The following SHISA9 variants were observed in gnomAD, a reference collection of about 807,000 sequenced individuals.
The protein encoded by SHISA9 is protein shisa-9.
In SHISA9, 13 loss-of-function variants were observed where a neutral mutation model predicts 38.0. The observed-to-expected ratio is 0.34, with a 90% CI of 0.22 to 0.54. The LOEUF (loss-of-function observed/expected upper bound fraction) is 0.54. Ranked by LOEUF, SHISA9 falls within the 20% of genes least tolerant of loss-of-function variation. The pLI is 0.91. For missense variants in SHISA9, 538 were observed against 575.8 expected (o/e 0.93, Z 0.67); for synonymous variants, 275 against 242.0 (o/e 1.14, Z -1.27).
At chr16:13,292,807 A>C in the SHISA9 span, among the ~76,000 whole-genome samples, 1 of 152,188 alleles carries the variant, frequency 6.6e-6, no homozygotes, top group Non-Finnish European at 1.5e-5. Flanking sequence ...TTTTGAAAAA[A>C]AATTTGTCAA....
chr16:13,083,831 A>G (rs1487224547), intron 2 of SHISA9, among the ~76,000 whole-genome samples: 1 of 152,136 alleles, frequency 6.6e-6, no homozygotes, highest in Non-Finnish European at 1.5e-5. Flanking sequence ...ATCATCATTC[A>G]CAGCCTCTGG....
the SHISA9 span, among the ~76,000 whole-genome samples, chr16:13,276,266 AG>A: frequency 0.071 from 10,696 of 151,710 alleles, 1,288 homozygotes; most frequent in African/African-American, 0.25. Context: ...ATTGCTGCAT[AG>A]TATTCCATCA....
intron 2 of SHISA9, among the ~76,000 whole-genome samples, chr16:13,134,203 C>T (rs982806381): frequency 1.3e-5 from 2 of 152,152 alleles, no homozygotes; most frequent in Non-Finnish European, 2.9e-5. Context: ...CTTAACCTGT[C>T]TGGGTCTCAG....
At chr16:12,955,413 C>T (rs1216398550) in intron 2 of SHISA9, among the ~76,000 whole-genome samples, 1 of 152,096 alleles carries the variant, frequency 6.6e-6, no homozygotes, top group Non-Finnish European at 1.5e-5. Context: ...GTGTTTCCCA[C>T]TGGGGTAGAG....
chr16:12,985,265 A>G (rs2072293361), intron 2 of SHISA9, among the ~76,000 whole-genome samples: 1 of 152,000 alleles, frequency 6.6e-6, no homozygotes, highest in Non-Finnish European at 1.5e-5. Context: ...AAATAAATAA[A>G]TAAATAAATG....
chr16:12,970,370 C>CAT (rs1254256597), intron 2 of SHISA9, among the ~76,000 whole-genome samples: 51 of 55,704 alleles, frequency 9.2e-4, no homozygotes, highest in Admixed American at 1.5e-3. Flanking sequence ...TATATATATA[C>CAT]ATATATATAT....
chr16:13,435,303 G>T, the SHISA9 span, among the ~76,000 whole-genome samples: 1 of 152,012 alleles, frequency 6.6e-6, no homozygotes, highest in East Asian at 1.9e-4. Context: ...CTTCAAAGAG[G>T]TTCAGCAAGA....
At chr16:13,508,919 C>T in the SHISA9 span, among the ~76,000 whole-genome samples, 3 of 152,250 alleles carry the variant, frequency 2.0e-5, no homozygotes, top group African/African-American at 7.2e-5. Flanking sequence ...AAAATGATTG[C>T]TACCTGTAGA....
At chr16:13,009,680 A>G (rs1025384658) in intron 2 of SHISA9, among the ~76,000 whole-genome samples, 1 of 152,198 alleles carries the variant, frequency 6.6e-6, no homozygotes, top group East Asian at 1.9e-4. Context: ...TTCAAAAATC[A>G]CAGAATCCCA....
At chr16:13,216,201 AAAAAAG>A (rs1324992680) in intron 4 of SHISA9, among the ~76,000 whole-genome samples, 21 of 142,944 alleles carry the variant, frequency 1.5e-4, no homozygotes, top group African/African-American at 4.0e-4. Context: ...AAAAAAAAAA[AAAAAAG>A]AGAGAGACAA....
intron 2 of SHISA9, among the ~76,000 whole-genome samples, chr16:13,015,926 CTTCCTT>C (rs2141858143): frequency 1.5e-5 from 1 of 64,782 alleles, no homozygotes; most frequent in South Asian, 4.7e-4. Context: ...TTTCTCCTTC[CTTCCTT>C]CTTTCCTTCC....
the SHISA9 span, among the ~76,000 whole-genome samples, chr16:13,383,473 A>G: frequency 6.6e-6 from 1 of 152,244 alleles, no homozygotes; most frequent in Non-Finnish European, 1.5e-5. Context: ...AGACAGAGAA[A>G]GACAAATGAG....
At chr16:13,015,978 TCCCTTCCC>T (rs2072751048) in intron 2 of SHISA9, among the ~76,000 whole-genome samples, 1 of 49,052 alleles carries the variant, frequency 2.0e-5, no homozygotes, top group African/African-American at 7.0e-5. Flanking sequence ...TCCCTTCCCT[TCCCTTCCC>T]TTCTTTTCTT....
chr16:13,357,532 G>A, the SHISA9 span, among the ~76,000 whole-genome samples: 4 of 152,088 alleles, frequency 2.6e-5, no homozygotes, highest in Non-Finnish European at 5.9e-5. Context: ...CAGGGGATTG[G>A]TCTCCTAAGG....
chr16:13,523,104 G>A, the SHISA9 span, among the ~76,000 whole-genome samples: 1 of 152,122 alleles, frequency 6.6e-6, no homozygotes, highest in Non-Finnish European at 1.5e-5. Flanking sequence ...TCCTGGCACT[G>A]TGGGAGGCCA....
At chr16:13,424,544 C>T in the SHISA9 span, among the ~76,000 whole-genome samples, 3 of 152,214 alleles carry the variant, frequency 2.0e-5, no homozygotes, top group Non-Finnish European at 4.4e-5. Context: ...TGAAATCATG[C>T]GAAACTGGGT....
At chr16:13,074,006 G>T (rs1211398262) in intron 2 of SHISA9, among the ~76,000 whole-genome samples, 4 of 131,130 alleles carry the variant, frequency 3.1e-5, no homozygotes, top group Non-Finnish European at 6.3e-5. Flanking sequence ...GTCTTGTTCT[G>T]TTGCCCAGGC....
At chr16:12,910,315 ATTCT>A in intron 1 of SHISA9, 1 of 231,950 alleles carries the variant, frequency 4.3e-6, no homozygotes, top group South Asian at 1.6e-4. Flanking sequence ...TCATTCATTC[ATTCT>A]TTCATTCATT....
At chr16:13,134,610 A>T (rs530396014) in intron 2 of SHISA9, among the ~76,000 whole-genome samples, 32 of 152,138 alleles carry the variant, frequency 2.1e-4, no homozygotes, top group African/African-American at 7.7e-4. Flanking sequence ...GGTGGAGGTG[A>T]GTATGGTGGG....
Sources: allele counts gnomAD v4.1 joint callset (sites outside exome capture counted in the v4.1 genomes callset), GRCh38; gene constraint gnomAD v4.1.1; transcripts MANE v1.5; gene names NCBI Gene and HGNC (gene_info 2026-07-23, HGNC 2026-07-21).